FRMPD3: variants seen among roughly 807,000 people sequenced by gnomAD.
FRMPD3 encodes the protein FERM and PDZ domain containing 3, also known as FERM and PDZ domain-containing protein 3.
Under a neutral mutation model 97.9 loss-of-function variants are expected in FRMPD3, and 42 were observed. The observed-to-expected ratio is 0.43, with a 90% confidence interval of 0.34 to 0.55. The LOEUF (loss-of-function observed/expected upper bound fraction) is 0.55. FRMPD3 is among the 20% of genes least tolerant of loss of function. The pLI is 0.03. For missense variants in FRMPD3, 1,303 were observed against 1,457.7 expected (o/e 0.89, Z 1.73); for synonymous variants, 577 against 581.1 (o/e 0.99, Z 0.10).
chrX:107,582,693 G>C (rs1385108245), intron 13 of FRMPD3, among the ~76,000 whole-genome samples: 2 of 112,208 alleles, frequency 1.8e-5, no homozygotes, highest in Non-Finnish European at 3.8e-5. Flanking sequence ...GAGGTTATTT[G>C]TGAACTCTCA....
Position 107,602,450 on chromosome X carries a change from C to A in FRMPD3, c.4411C>A (p.Leu1471Met). The change falls in exon 15 of 15, where the codon CTG becomes ATG. Residue 1471 changes from leucine (L) to methionine (M), a missense_variant. Coordinates refer to ENST00000683843, the MANE Select transcript of FRMPD3 (RefSeq NM_001388459.1). Reference sequence around the variant, plus strand: ...CCCCAGACAGATGGCCGTGTTCTCACTGCCCGAGGAGGTGTACCGGAAGCC... The same window carrying A: ...CCCCAGACAGATGGCCGTGTTCTCAATGCCCGAGGAGGTGTACCGGAAGCC... ...KGPRQMAVFS[L>M]PEEVYRKPAE... 1 of 1,211,000 alleles carries A rather than the reference C, an allele frequency of 8.3e-7. No homozygotes were observed. Among genetic ancestry groups the A allele is most frequent in the East Asian group, 3.0e-5 (1 of 33,842 alleles).
chrX:107,560,964 T>C, intron 10 of FRMPD3, 111 bp downstream of exon 10: 1 of 847,501 alleles, frequency 1.2e-6, no homozygotes, highest in East Asian at 3.5e-5. Context: ...ACCACTGCTT[T>C]TGACTCAGGT....
chrX:107,593,485 A>C (rs1924010538), intron 13 of FRMPD3, among the ~76,000 whole-genome samples: 1 of 111,505 alleles, frequency 9.0e-6, no homozygotes, highest in Non-Finnish European at 1.9e-5. Context: ...AATGTCTAGT[A>C]GGGGTTTTCC....
At chrX:107,480,883 GGAAGGAAGGAAGGAAA>G (rs1321557913) in intron 1 of FRMPD3, among the ~76,000 whole-genome samples, 3 of 58,013 alleles carry the variant, frequency 5.2e-5, no homozygotes, top group Admixed American at 2.2e-4. Flanking sequence ...AAGGAAGGAA[GGAAGGAAGGAAGGAAA>G]GAAAGAAAGA....
chrX:107,526,092 A>T (rs867180556), intron 1 of FRMPD3, among the ~76,000 whole-genome samples: 1 of 105,095 alleles, frequency 9.5e-6, no homozygotes, highest in Non-Finnish European at 1.9e-5. Context: ...AATAAAAATT[A>T]AAAAAAAAAT....
intron 1 of FRMPD3, among the ~76,000 whole-genome samples, chrX:107,516,638 A>AT (rs1289408479): frequency 9.0e-6 from 1 of 110,729 alleles, no homozygotes; most frequent in Non-Finnish European, 1.9e-5. Flanking sequence ...GATGATGAGC[A>AT]TTTTTTCATG....
At chrX:107,463,170 C>A (rs891873768) in intron 1 of FRMPD3, among the ~76,000 whole-genome samples, 6 of 112,468 alleles carry the variant, frequency 5.3e-5, no homozygotes, top group Admixed American at 2.8e-4. Flanking sequence ...TGTTCCCCAG[C>A]TATTTCCCAT....
Position 107,601,326 on chromosome X carries a change from A to G in FRMPD3, c.3287A>G (p.Lys1096Arg). The G allele has an allele frequency of 1.7e-6, 2 of 1,206,609 alleles. No individual in the cohort carries two copies. The highest frequency in any genetic ancestry group is 1.8e-5 in the South Asian group (1 of 56,195). ...GTGGGTGGTAAGCCCACCCTGCAGA[A>G]GCAGGGCACCATCTCCAGCCAAGGG... Reference protein sequence around the residue: ...GPVGGKPTLQKQGTISSQGEK... With the variant: ...GPVGGKPTLQRQGTISSQGEK... The change falls in exon 15 of 15, where the codon AAG (lysine) becomes AGG (arginine). Residue 1096 changes from lysine to arginine, a missense_variant. By Grantham distance (26) the Lys-to-Arg change is conservative. Coordinates refer to ENST00000683843, the MANE Select transcript of FRMPD3 (RefSeq NM_001388459.1).
At chrX:107,450,787 G>A (rs1931274891) in intron 1 of FRMPD3, among the ~76,000 whole-genome samples, 2 of 110,778 alleles carry the variant, frequency 1.8e-5, no homozygotes, top group African/African-American at 6.6e-5. Flanking sequence ...GTATGTGAGT[G>A]TGTGTGTGTT....
At chrX:107,475,536 G>C (rs771056605) in intron 1 of FRMPD3, among the ~76,000 whole-genome samples, 1 of 112,403 alleles carries the variant, frequency 8.9e-6, no homozygotes, top group African/African-American at 3.2e-5. Context: ...AATATTTGAG[G>C]ATGGGCAGAT....
In FRMPD3 at chrX:107,600,501, G is replaced by A. The variant is rs1349790276; in HGVS notation, c.2462G>A (p.Cys821Tyr). 8 of 1,208,830 alleles carry A rather than the reference G, an allele frequency of 6.6e-6. No homozygotes were observed. The highest frequency in any genetic ancestry group is 8.9e-6 in the Non-Finnish European group (8 of 894,972). Reference sequence around the variant, plus strand: ...GACCTGCCCTTCCGGATCCAGAGCTGTGCAGCCCAGGCCGTTCTTACGGCC... The same window carrying A: ...GACCTGCCCTTCCGGATCCAGAGCTATGCAGCCCAGGCCGTTCTTACGGCC... Reference protein sequence around the residue: ...RKDLPFRIQSCAAQAVLTAPY... With the variant: ...RKDLPFRIQSYAAQAVLTAPY... The change falls in exon 15 of 15, where the codon TGT (cysteine) becomes TAT (tyrosine). Residue 821 changes from cysteine to tyrosine, a missense_variant. By Grantham distance (194) the Cys-to-Tyr change is radical. Coordinates refer to ENST00000683843, the MANE Select transcript of FRMPD3 (RefSeq NM_001388459.1).
At chrX:107,562,324 A>G (rs1282229425) in intron 10 of FRMPD3, among the ~76,000 whole-genome samples, 1 of 112,696 alleles carries the variant, frequency 8.9e-6, no homozygotes, top group Non-Finnish European at 1.9e-5. Context: ...TGCCAAGGAA[A>G]GAGGTTGTAC....
intron 8 of FRMPD3, among the ~76,000 whole-genome samples, chrX:107,556,018 A>G (rs1922064296): frequency 9.0e-6 from 1 of 111,607 alleles, no homozygotes; most frequent in Admixed American, 9.5e-5. Flanking sequence ...GAGAATACAG[A>G]CAATGGAATG....
chrX:107,560,200 G>C (rs1922283624), intron 8 of FRMPD3, 57 bp from the exon 9 acceptor site: 2 of 1,176,681 alleles, frequency 1.7e-6, no homozygotes, highest in Non-Finnish European at 2.3e-6. Context: ...AGTAGATCAG[G>C]GGGTGGGGAA....
intron 12 of FRMPD3, among the ~76,000 whole-genome samples, chrX:107,568,690 T>G (rs1004792476): frequency 2.8e-5 from 3 of 107,771 alleles, no homozygotes; most frequent in Admixed American, 1.0e-4. Context: ...GCCGAGATCA[T>G]GCCACTGCAT....
Position 107,480,409 on chromosome X carries a change from A to G in FRMPD3, c.-8+30404A>G, listed in dbSNP as rs1921314381. Among the ~76,000 whole-genome samples, 4 of 111,943 alleles carry G rather than the reference A, an allele frequency of 3.6e-5. No individual in the cohort carries two copies. In the South Asian group the frequency reaches 1.5e-3, roughly 42 times the overall value. ...GAGGGTACTTAGGTCACAGCATAACATAGCTCACAGTTACGTGTTTCTCAA... is the reference window on the plus strand; with the variant it reads ...GAGGGTACTTAGGTCACAGCATAACGTAGCTCACAGTTACGTGTTTCTCAA... On this transcript the variant is annotated intron_variant, in intron 1 of 14. Coordinates refer to ENST00000683843, the MANE Select transcript of FRMPD3 (RefSeq NM_001388459.1).
At chrX:107,535,428 G>C (rs890314466) in intron 4 of FRMPD3, among the ~76,000 whole-genome samples, 8 of 110,608 alleles carry the variant, frequency 7.2e-5, no homozygotes, top group Non-Finnish European at 1.5e-4. Context: ...CCAGCACTTT[G>C]GGAGGCCGAG....
rs188981424 is a variant in FRMPD3 at position 107,599,846 on chromosome X, G to A, written c.2264-457G>A. Among the ~76,000 whole-genome samples the A allele has an allele frequency of 3.0e-3, 335 of 110,459 alleles. 2 individuals carry two copies. The highest frequency in any genetic ancestry group is 0.011 in the African/African-American group (319 of 30,344). ...TCAGCCCTGCATTCTCGCCAGGCCT[G>A]TCTGTTTTTCTCCAGCTGGAAATAC... On this transcript the variant is annotated intron_variant, in intron 14 of 14. Coordinates refer to ENST00000683843, the MANE Select transcript of FRMPD3 (RefSeq NM_001388459.1).
intron 1 of FRMPD3, among the ~76,000 whole-genome samples, chrX:107,472,356 T>A (rs1179062619): frequency 9.0e-6 from 1 of 111,623 alleles, no homozygotes; most frequent in Non-Finnish European, 1.9e-5. Context: ...GTTTTAGTCA[T>A]GAAGTCTTTG....
Sources: gnomAD v4.1 joint callset for allele counts (sites outside exome capture counted in the v4.1 genomes callset) on GRCh38, gnomAD v4.1.1 for gene constraint, MANE v1.5 for transcripts, NCBI Gene and HGNC (gene_info 2026-07-23, HGNC 2026-07-21) for gene names.